QSOX1: variants seen among roughly 807,000 people sequenced by gnomAD.
QSOX1 encodes the protein sulfhydryl oxidase 1.
In QSOX1, 40 loss-of-function variants were observed where a neutral mutation model predicts 76.1. The observed-to-expected ratio is 0.53, with a 90% confidence interval of 0.41 to 0.68. The LOEUF (loss-of-function observed/expected upper bound fraction) is 0.68. QSOX1 is among the 30% of genes least tolerant of loss of function. The pLI is 0.00. For missense variants in QSOX1, 931 were observed against 974.3 expected, an observed-to-expected ratio of 0.96 and a Z score of 0.59; for synonymous variants, 392 against 413.1, an observed-to-expected ratio of 0.95 and a Z score of 0.62.
intron 1 of QSOX1, among the ~76,000 whole-genome samples, chr1:180,162,688 C>T (rs149685377): frequency 2.3e-3 from 357 of 152,014 alleles, no homozygotes; most frequent in African/African-American, 8.1e-3. Context: ...AGGTGAGCCA[C>T]GATCGCACCA....
Position 180,203,980 on chromosome 1 carries a change from A to G in QSOX1, c.*6943A>G, listed in dbSNP as rs1346343995. The G allele has an allele frequency of 6.6e-6, 1 of 152,208 alleles. No individual in the cohort carries two copies. The highest frequency in any genetic ancestry group is 2.4e-5 in the African/African-American group (1 of 41,454). The allele number at this position is 152,208 out of a possible 1,614,324, so 9.4% of individuals were successfully genotyped here. A position where few individuals can be genotyped will look rare whatever the true frequency, so the allele number is the denominator to read the frequency against. On this transcript the variant is annotated 3_prime_UTR_variant, in exon 12 of 12. Transcript: ENST00000367602. The stretch of plus-strand genomic sequence containing the variant: ...TTGGTTTTTAACAACTTCTGTTGTA[A>G]ATAATAAAAGCACTAAATCCCTACT...
chr1:180,193,788 G>T (rs1312603570), intron 10 of QSOX1, among the ~76,000 whole-genome samples: 2 of 152,132 alleles, frequency 1.3e-5, no homozygotes, highest in African/African-American at 4.8e-5. Context: ...GCCCGAGGGA[G>T]GTGACGCATG....
Position 180,203,114 on chromosome 1 carries a change from A to G in QSOX1, c.*6077A>G, listed in dbSNP as rs1019404107. On this transcript the variant is annotated 3_prime_UTR_variant, in exon 12 of 12. Transcript: ENST00000367602. ...AAATAAAAAAATAAAGTAAAGCTAC[A>G]TATTTAAAAGCTGGGGAAATATATG... The G allele has an allele frequency of 1.3e-5, 2 of 152,116 alleles. No individual in the cohort carries two copies. Among genetic ancestry groups the G allele is most frequent in the African/African-American group, 4.8e-5 (2 of 41,430 alleles). 9.4% of individuals were successfully genotyped at this position (152,116 alleles called of 1,614,324 possible). A position where few individuals can be genotyped will look rare whatever the true frequency, so the allele number is the denominator to read the frequency against.
intron 9 of QSOX1, 140 bp from the exon 10 acceptor site, chr1:180,190,293 G>A: frequency 3.1e-6 from 3 of 966,188 alleles, no homozygotes; most frequent in Non-Finnish European, 4.8e-6. Context: ...GGGTGGAACT[G>A]GTGAAAGGGA....
chr1:180,176,515 G>A (rs1662897093), intron 4 of QSOX1, among the ~76,000 whole-genome samples: 1 of 152,188 alleles, frequency 6.6e-6, no homozygotes, highest in Non-Finnish European at 1.5e-5. Context: ...CCTGGGGCAT[G>A]GGGGTGGCCC....
At position 180,200,963 on chromosome 1, in the gene QSOX1, A is replaced by G. The variant is rs1418161195; in HGVS notation, c.*3926A>G. ...CAAGGAGTGGGGACACCCTGAAGGA[A>G]TCCGCCTTTTCTAGAGCTCTCGCTC... On this transcript the variant is annotated 3_prime_UTR_variant, in exon 12 of 12. Coordinates refer to ENST00000367602, the MANE Select transcript of QSOX1 (RefSeq NM_002826.5). 6.6e-6 allele frequency: 1 copy of G among 152,192 alleles called. No individual in the cohort carries two copies. Among genetic ancestry groups the G allele is most frequent in the Admixed American group, 6.5e-5 (1 of 15,280 alleles). The allele number at this position is 152,192 out of a possible 1,614,324, so 9.4% of individuals were successfully genotyped here.
chr1:180,162,872 A>G (rs1164653506), intron 1 of QSOX1, among the ~76,000 whole-genome samples: 1 of 152,206 alleles, frequency 6.6e-6, no homozygotes, highest in Non-Finnish European at 1.5e-5. Context: ...AGAATGTTAC[A>G]TTGTTGCAGA....
chr1:180,185,035 G>A (rs3767177), intron 7 of QSOX1, among the ~76,000 whole-genome samples: 115,578 of 152,078 alleles, frequency 0.76, 44,184 homozygotes, highest in Non-Finnish European at 0.78. Flanking sequence ...CACCTTCCCT[G>A]TGTTACCTCA....
intron 1 of QSOX1, among the ~76,000 whole-genome samples, 198 bp from the exon 2 acceptor site, chr1:180,166,293 T>G (rs144854756): frequency 6.6e-6 from 1 of 152,322 alleles, no homozygotes; most frequent in African/African-American, 2.4e-5. Flanking sequence ...ACAGGTTCCC[T>G]TTTGTGAGAC....
At chr1:180,167,282 G>C (rs1050853976) in intron 2 of QSOX1, among the ~76,000 whole-genome samples, 2 of 152,228 alleles carry the variant, frequency 1.3e-5, no homozygotes, top group Non-Finnish European at 1.5e-5. Flanking sequence ...TTTTCTTCCA[G>C]ATTAGAGAAG....
At chr1:180,189,963 G>A (rs1663269808) in intron 9 of QSOX1, among the ~76,000 whole-genome samples, 1 of 152,240 alleles carries the variant, frequency 6.6e-6, no homozygotes, top group Admixed American at 6.5e-5. Flanking sequence ...GAGCCAGTAA[G>A]TGTTTGGGCT....
Position 180,197,119 on chromosome 1 carries a change from C to T in QSOX1, c.*82C>T. 6.7e-7 allele frequency: 1 copy of T among 1,495,976 alleles called. No individual in the cohort carries two copies. The highest frequency in any genetic ancestry group is 2.3e-5 in the Admixed American group (1 of 43,078). The allele number at this position is 1,495,976 out of a possible 1,614,324, so 92.7% of individuals were successfully genotyped here. On this transcript the variant is annotated 3_prime_UTR_variant, in exon 12 of 12. Coordinates refer to ENST00000367602, the MANE Select transcript of QSOX1 (RefSeq NM_002826.5). ...CTGACCCCATTCCCTCCCCTCCCAC[C>T]CCTTGCTCCTTGTCTGGCCTAGAAG...
At chr1:180,169,649 C>T (rs116800320) in intron 2 of QSOX1, among the ~76,000 whole-genome samples, 2,371 of 152,362 alleles carry the variant, frequency 0.016, 77 homozygotes, top group African/African-American at 0.054. Context: ...TGTCCCATCT[C>T]ACTCCTGGGC....
intron 5 of QSOX1, among the ~76,000 whole-genome samples, chr1:180,179,664 G>A (rs1479703739): frequency 6.6e-6 from 1 of 152,270 alleles, no homozygotes; most frequent in Non-Finnish European, 1.5e-5. Context: ...GGACGTGCCA[G>A]TGCACGGGAG....
intron 2 of QSOX1, among the ~76,000 whole-genome samples, chr1:180,173,344 C>T (rs1015360771): frequency 6.6e-6 from 1 of 151,812 alleles, no homozygotes; most frequent in African/African-American, 2.4e-5. Context: ...TCCATAAATG[C>T]CGTAACTTAC....
At chr1:180,178,680 G>A (rs1662956603) in intron 4 of QSOX1, 114 bp from the exon 5 acceptor site, 1 of 886,094 alleles carries the variant, frequency 1.1e-6, no homozygotes. Flanking sequence ...TGGAAGCGGA[G>A]GAGGGCGGGA....
intron 4 of QSOX1, among the ~76,000 whole-genome samples, chr1:180,177,022 G>A (rs1032257507): frequency 2.6e-5 from 4 of 152,152 alleles, no homozygotes; most frequent in African/African-American, 9.7e-5. Context: ...GGGGACCCTG[G>A]ATACAGCATA....
At chr1:180,190,096 A>G (rs534132560) in intron 9 of QSOX1, among the ~76,000 whole-genome samples, 2 of 152,322 alleles carry the variant, frequency 1.3e-5, no homozygotes, top group African/African-American at 2.4e-5. Flanking sequence ...GCTCCTGCTC[A>G]TGCTGCTATT....
chr1:180,186,348 C>G (rs73040447), intron 8 of QSOX1, among the ~76,000 whole-genome samples, 166 bp downstream of exon 8: 132 of 152,372 alleles, frequency 8.7e-4, no homozygotes, highest in African/African-American at 3.0e-3. Flanking sequence ...ACCCTCCAGC[C>G]TCAGCCATAC....
Sources: gnomAD v4.1 joint callset for allele counts (sites outside exome capture counted in the v4.1 genomes callset) on GRCh38, gnomAD v4.1.1 for gene constraint, MANE v1.5 for transcripts, NCBI Gene and HGNC (gene_info 2026-07-23, HGNC 2026-07-21) for gene names.